The following RGS17 variants were observed in gnomAD, a reference collection of about 807,000 sequenced individuals.
RGS17 encodes the protein regulator of G-protein signaling 17.
In RGS17, 12 loss-of-function variants were observed where a neutral mutation model predicts 25.5. The ratio of observed to expected loss-of-function variants is 0.47; its 90% CI spans 0.30 to 0.76. The LOEUF is 0.76. Ranked by LOEUF, RGS17 falls within the 30% of genes least tolerant of loss-of-function variation. The pLI is 0.07. For missense variants in RGS17, 196 were observed against 242.2 expected (o/e 0.81, Z 1.27); for synonymous variants, 71 against 76.9 (o/e 0.92, Z 0.40).
In RGS17 at chr6:153,042,766, G is replaced by A. The variant is rs373244475; in HGVS notation, c.119+1134C>T. Among the ~76,000 whole-genome samples, 66 of 152,202 alleles carry A rather than the reference G, an allele frequency of 4.3e-4. 1 individual carries two copies. In the East Asian group the frequency reaches 7.5e-3, roughly 17 times the overall value. On this transcript the variant is annotated intron_variant, in intron 2 of 4. Transcript: ENST00000206262. ...TTTCTAGAGTGGATGGAACTTGTTCGTCACCAAGGTTACCACTCTAGTACA... is the reference window on the plus strand; with the variant it reads ...TTTCTAGAGTGGATGGAACTTGTTCATCACCAAGGTTACCACTCTAGTACA...
chr6:153,101,016 G>A (rs1246861771), intron 1 of RGS17, among the ~76,000 whole-genome samples: 1 of 152,186 alleles, frequency 6.6e-6, no homozygotes, highest in Non-Finnish European at 1.5e-5. Context: ...AGGCTCAGAG[G>A]CTACCAGATT....
chr6:153,047,360 A>G (rs531159148), intron 1 of RGS17, among the ~76,000 whole-genome samples: 12 of 152,296 alleles, frequency 7.9e-5, no homozygotes, highest in Admixed American at 6.5e-4. Context: ...GACTACATCA[A>G]TTACGAAAAT....
chr6:153,071,753 T>G (rs1194597811), intron 1 of RGS17, among the ~76,000 whole-genome samples: 1 of 152,160 alleles, frequency 6.6e-6, no homozygotes. Context: ...GTAGCCATGT[T>G]CTAACACTTC....
At chr6:153,102,865 C>T (rs1370241147) in intron 1 of RGS17, among the ~76,000 whole-genome samples, 1 of 152,186 alleles carries the variant, frequency 6.6e-6, no homozygotes, top group East Asian at 1.9e-4. Flanking sequence ...TTTATGCATT[C>T]TATCTTAAAA....
chr6:153,066,181 G>T (rs1776705247), intron 1 of RGS17, among the ~76,000 whole-genome samples: 1 of 152,128 alleles, frequency 6.6e-6, no homozygotes, highest in Non-Finnish European at 1.5e-5. Context: ...AAATCTAGAA[G>T]AAACGGACAA....
At chr6:153,126,530 G>C (rs577704966) in intron 1 of RGS17, among the ~76,000 whole-genome samples, 49 of 152,136 alleles carry the variant, frequency 3.2e-4, no homozygotes, top group Middle Eastern at 3.4e-3. Context: ...AAACAAATAA[G>C]AAAAATGTAC....
At chr6:153,080,331 T>C (rs1330108481) in intron 1 of RGS17, among the ~76,000 whole-genome samples, 3 of 152,210 alleles carry the variant, frequency 2.0e-5, no homozygotes, top group Admixed American at 1.3e-4. Context: ...CTGTTCATCA[T>C]TGGCATAAAG....
At chr6:153,116,277 C>G (rs1316960401) in intron 1 of RGS17, among the ~76,000 whole-genome samples, 1 of 152,152 alleles carries the variant, frequency 6.6e-6, no homozygotes. Flanking sequence ...TGAACAGACA[C>G]TTCTCAAAAG....
At chr6:153,024,572 C>A (rs967086173) in intron 3 of RGS17, 76 bp from the exon 4 acceptor site, 6 of 1,094,776 alleles carry the variant, frequency 5.5e-6, no homozygotes, top group South Asian at 1.4e-5. Flanking sequence ...AGGAGAGGAG[C>A]AGATAGAAAT....
intron 4 of RGS17, among the ~76,000 whole-genome samples, chr6:153,022,122 C>G (rs1013508485): frequency 2.0e-5 from 3 of 151,994 alleles, no homozygotes; most frequent in African/African-American, 7.3e-5. Context: ...GCAGGAGATT[C>G]GCTTGAACCC....
At chr6:153,021,349 A>G (rs1407339048) in intron 4 of RGS17, among the ~76,000 whole-genome samples, 1 of 152,202 alleles carries the variant, frequency 6.6e-6, no homozygotes, top group East Asian at 1.9e-4. Context: ...TAAGTCAGTA[A>G]TGTATTGTGG....
intron 2 of RGS17, among the ~76,000 whole-genome samples, chr6:153,043,011 A>G (rs1776341594): frequency 1.3e-5 from 2 of 152,148 alleles, no homozygotes; most frequent in Non-Finnish European, 2.9e-5. Context: ...CCCAAAATGT[A>G]TGGTTCAAAG....
rs1367122694 is a variant in RGS17 at position 153,010,032 on chromosome 6, A to C, written c.*1542T>G. 1 of 151,954 alleles carries C rather than the reference A, an allele frequency of 6.6e-6. No homozygotes were observed. Among genetic ancestry groups the C allele is most frequent in the Non-Finnish European group, 1.5e-5 (1 of 67,836 alleles). The allele number at this position is 151,954 out of a possible 1,614,324, so 9.4% of individuals were successfully genotyped here. A position where few individuals can be genotyped will look rare whatever the true frequency, so the allele number is the denominator to read the frequency against. ...AAAAATATGTTTAATAAATTAAAAA[A>C]TGAGAGGTAGTTAAAAAAATGACAA... On this transcript the variant is annotated 3_prime_UTR_variant, in exon 5 of 5. Coordinates refer to ENST00000206262, the MANE Select transcript of RGS17 (RefSeq NM_012419.5).
At chr6:153,026,723 G>C (rs995108380) in intron 2 of RGS17, among the ~76,000 whole-genome samples, 180 bp from the exon 3 acceptor site, 1 of 152,144 alleles carries the variant, frequency 6.6e-6, no homozygotes, top group Admixed American at 6.5e-5. Context: ...AAAGGGAAGA[G>C]AATAATTTTT....
At chr6:153,048,002 C>T (rs1776406193) in intron 1 of RGS17, among the ~76,000 whole-genome samples, 1 of 152,176 alleles carries the variant, frequency 6.6e-6, no homozygotes, top group Admixed American at 6.5e-5. Flanking sequence ...TCTTTCTTCT[C>T]TATCACTTCT....
In RGS17 at chr6:153,113,470, C is replaced by T. The variant is rs530339987; in HGVS notation, c.-26+17654G>A. Among the ~76,000 whole-genome samples the T allele has an allele frequency of 1.1e-4, 16 of 152,234 alleles. No homozygotes were observed. The East Asian group carries it at 2.7e-3, about 26-fold the overall frequency. On this transcript the variant is annotated intron_variant, in intron 1 of 4. Transcript: ENST00000206262. ...CCTATTAGGGACTTACACTCCCAAA[C>T]GATAATAGTGGGAGACTTTAACACC...
chr6:153,096,033 T>A (rs1777202811), intron 1 of RGS17, among the ~76,000 whole-genome samples: 1 of 152,208 alleles, frequency 6.6e-6, no homozygotes, highest in Admixed American at 6.5e-5. Context: ...AAGATCTGGG[T>A]AGAAATCTTA....
chr6:153,033,760 A>C (rs1776188646), intron 2 of RGS17, among the ~76,000 whole-genome samples: 1 of 152,042 alleles, frequency 6.6e-6, no homozygotes, highest in Non-Finnish European at 1.5e-5. Flanking sequence ...AAAAATAAAA[A>C]ATACATGCCA....
At chr6:153,094,041 T>C (rs1440736831) in intron 1 of RGS17, among the ~76,000 whole-genome samples, 1 of 152,076 alleles carries the variant, frequency 6.6e-6, no homozygotes, top group East Asian at 1.9e-4. Flanking sequence ...AGGCTTTCCA[T>C]ATGTACTATG....
Sources: allele counts gnomAD v4.1 joint callset (sites outside exome capture counted in the v4.1 genomes callset), GRCh38; gene constraint gnomAD v4.1.1; transcripts MANE v1.5; gene names NCBI Gene and HGNC (gene_info 2026-07-23, HGNC 2026-07-21).